ZNF516: variants seen among roughly 807,000 people sequenced by gnomAD.
The protein encoded by ZNF516 is zinc finger protein 516.
Under a neutral mutation model 79.7 loss-of-function variants are expected in ZNF516, and 19 were observed. The ratio of observed to expected loss-of-function variants is 0.24; its 90% CI spans 0.17 to 0.35. The LOEUF (loss-of-function observed/expected upper bound fraction) is 0.35. Among genes scored for constraint, ZNF516 ranks in the 10% least tolerant of loss-of-function variants. The pLI is 1.00. For synonymous variants in ZNF516, 877 were observed against 739.5 expected, an observed-to-expected ratio of 1.19 and a Z score of -3.02; for missense variants, 1,678 against 1,679.5, an observed-to-expected ratio of 1.00 and a Z score of 0.02.
intron 3 of ZNF516, among the ~76,000 whole-genome samples, chr18:76,437,176 A>C (rs2075753912): frequency 6.6e-6 from 1 of 152,072 alleles, no homozygotes; most frequent in African/African-American, 2.4e-5. Flanking sequence ...ACAGTTGTTG[A>C]ACCTCTGTGC....
chr18:76,494,770 T>A (rs1684299618), intron 1 of ZNF516, among the ~76,000 whole-genome samples: 1 of 151,310 alleles, frequency 6.6e-6, no homozygotes. Flanking sequence ...GGAGAGCGCA[T>A]CCGAGCTCCC....
intron 1 of ZNF516, among the ~76,000 whole-genome samples, chr18:76,477,308 T>C (rs1282020228): frequency 6.6e-6 from 1 of 152,182 alleles, no homozygotes; most frequent in Non-Finnish European, 1.5e-5. Context: ...CAGTGACTAA[T>C]ATAGCAAGCA....
intron 3 of ZNF516, among the ~76,000 whole-genome samples, chr18:76,439,886 ATTAAAC>A (rs542842017): frequency 2.6e-3 from 395 of 152,334 alleles, no homozygotes; most frequent in African/African-American, 8.6e-3. Context: ...AACACCGAGA[ATTAAAC>A]TTAAAAGAAG....
At position 76,360,001 on chromosome 18, in the gene ZNF516, G is replaced by A. The variant is rs989311686; in HGVS notation, c.*2497C>T. ...GCTGGCCTCAAGGGATGGCGTTCTT[G>A]GGGGGGCTCCCCAGTCTGTTTAACT... On this transcript the variant is annotated 3_prime_UTR_variant, in exon 7 of 7. Coordinates refer to ENST00000443185, the MANE Select transcript of ZNF516 (RefSeq NM_014643.4). 1 of 152,140 alleles carries A rather than the reference G, an allele frequency of 6.6e-6. No individual in the cohort carries two copies. Among genetic ancestry groups the A allele is most frequent in the East Asian group, 1.9e-4 (1 of 5,174 alleles). The allele number at this position is 152,140 out of a possible 1,614,324, so 9.4% of individuals were successfully genotyped here.
intron 3 of ZNF516, among the ~76,000 whole-genome samples, chr18:76,392,040 C>A (rs1461248313): frequency 6.6e-6 from 1 of 152,222 alleles, no homozygotes; most frequent in Non-Finnish European, 1.5e-5. Flanking sequence ...TTCCGGGGAG[C>A]ACACAGCTGA....
At chr18:76,469,048 T>G (rs1483816769) in intron 1 of ZNF516, among the ~76,000 whole-genome samples, 1 of 152,226 alleles carries the variant, frequency 6.6e-6, no homozygotes, top group Non-Finnish European at 1.5e-5. Context: ...TTAAAGGCAT[T>G]TAATGTTCAT....
intron 3 of ZNF516, among the ~76,000 whole-genome samples, chr18:76,414,866 T>G (rs2075413313): frequency 6.6e-6 from 1 of 152,252 alleles, no homozygotes; most frequent in Non-Finnish European, 1.5e-5. Context: ...CTTAAATGTC[T>G]CACCACAATG....
Position 76,379,900 on chromosome 18 carries a change from C to G in ZNF516, c.2214G>C (p.Arg738Ser). 6.2e-7 allele frequency: 1 copy of G among 1,613,984 alleles called. No homozygotes were observed. Among genetic ancestry groups the G allele is most frequent in the Non-Finnish European group, 8.5e-7 (1 of 1,179,908 alleles). ...TATTGCTGGGGTCATCCCGCGTCGA[C>G]CTCGCACTTAAATCTAGCGGCATGA... ...PDLMPLDLSA[R>S]STRDDPSNKE... Residue 738 changes from arginine (R) to serine (S), a missense_variant, in exon 4 of 7, where the codon AGG becomes AGC. By Grantham distance (110) the Arg-to-Ser change is moderately radical. Transcript: ENST00000443185.
rs1275753446 is a variant in ZNF516 at position 76,371,485 on chromosome 18, G to A, written c.3346C>T (p.His1116Tyr). 6.2e-7 allele frequency: 1 copy of A among 1,608,596 alleles called. No individual in the cohort carries two copies. The highest frequency in any genetic ancestry group is 8.5e-7 in the Non-Finnish European group (1 of 1,179,740). ...GCGATACCTGAGTGTGCCCGCATGT[G>A]GGCCCTGAGGTGGCCGGGCTGGTGG... Reference protein sequence around the residue: ...SFHQPGHLRAHMRAHSVVFES... With the variant: ...SFHQPGHLRAYMRAHSVVFES... Residue 1116 changes from histidine to tyrosine, a missense_variant, in exon 5 of 7, where the codon CAC becomes TAC. Transcript: ENST00000443185.
chr18:76,433,483 G>T (rs1274599836), intron 3 of ZNF516, among the ~76,000 whole-genome samples: 2 of 152,210 alleles, frequency 1.3e-5, no homozygotes, highest in Non-Finnish European at 2.9e-5. Flanking sequence ...CAACAGGGAG[G>T]AATGGGGCCA....
At chr18:76,492,283 A>C (rs1260103547) in intron 1 of ZNF516, 1 of 985,302 alleles carries the variant, frequency 1.0e-6, no homozygotes, top group Non-Finnish European at 1.2e-6. Flanking sequence ...GGTGCGTACT[A>C]CGCGAGCCAC....
chr18:76,375,510 G>A (rs1190270533), intron 4 of ZNF516, among the ~76,000 whole-genome samples: 1 of 151,270 alleles, frequency 6.6e-6, no homozygotes, highest in Non-Finnish European at 1.5e-5. Flanking sequence ...ATACCAGGTA[G>A]AGGATGGACG....
At chr18:76,392,033 C>T (rs950240071) in intron 3 of ZNF516, among the ~76,000 whole-genome samples, 2 of 152,198 alleles carry the variant, frequency 1.3e-5, no homozygotes, top group African/African-American at 4.8e-5. Context: ...CCCTGGCTTC[C>T]GGGGAGCACA....
At chr18:76,385,588 T>C (rs986189969) in intron 3 of ZNF516, 3 of 152,244 alleles carry the variant, frequency 2.0e-5, no homozygotes, top group African/African-American at 4.8e-5. Flanking sequence ...CGGTTTTCCA[T>C]GGGTGTTTAA....
chr18:76,483,487 C>G (rs74451146), intron 1 of ZNF516, among the ~76,000 whole-genome samples: 5 of 152,042 alleles, frequency 3.3e-5, no homozygotes, highest in Non-Finnish European at 2.9e-5. Context: ...AGCATCTGTC[C>G]GTCATCGGCA....
At chr18:76,476,324 C>T (rs565546864) in intron 1 of ZNF516, among the ~76,000 whole-genome samples, 2 of 152,272 alleles carry the variant, frequency 1.3e-5, no homozygotes, top group South Asian at 4.1e-4. Flanking sequence ...CAAAGTGTCT[C>T]TGTCTATCTT....
At chr18:76,414,483 T>C (rs930748242) in intron 3 of ZNF516, among the ~76,000 whole-genome samples, 1 of 152,236 alleles carries the variant, frequency 6.6e-6, no homozygotes, top group Non-Finnish European at 1.5e-5. Context: ...CAATGCTGAA[T>C]GTACACAGTT....
chr18:76,471,400 C>G (rs1007496368), intron 1 of ZNF516, among the ~76,000 whole-genome samples: 1 of 152,168 alleles, frequency 6.6e-6, no homozygotes, highest in African/African-American at 2.4e-5. Flanking sequence ...GGACTGATTC[C>G]TGGGCCAACT....
At position 76,412,383 on chromosome 18, in the gene ZNF516, G is replaced by A. The variant is rs185989866; in HGVS notation, c.1810+28862C>T. 1.4e-3 allele frequency among the ~76,000 whole-genome samples: 215 copies of A among 152,300 alleles called. 2 individuals carry two copies. The South Asian group carries it at 0.016, about 12-fold the overall frequency. On this transcript the variant is annotated intron_variant, in intron 3 of 6. Coordinates refer to ENST00000443185, the MANE Select transcript of ZNF516 (RefSeq NM_014643.4). ...CCCTGACTCTGGGTGGGCCACTCCA[G>A]CCCAAGGCTCTCCTCCCCTCCTGGG...
Sources: gnomAD v4.1 joint callset for allele counts (sites outside exome capture counted in the v4.1 genomes callset) on GRCh38, gnomAD v4.1.1 for gene constraint, MANE v1.5 for transcripts, NCBI Gene and HGNC (gene_info 2026-07-23, HGNC 2026-07-21) for gene names.